Variants in SLC8A1 observed in about 807,000 individuals in gnomAD.
The protein encoded by SLC8A1 is solute carrier family 8 member A1.
SLC8A1 carries 18 observed loss-of-function variants against 68.3 expected under a neutral mutation model. The observed-to-expected ratio is 0.26, with a 90% CI of 0.18 to 0.39. The LOEUF is 0.39. Ranked by LOEUF, SLC8A1 falls within the 10% of genes least tolerant of loss-of-function variation. SLC8A1 has a pLI of 1.00. For synonymous variants in SLC8A1, 475 were observed against 415.5 expected (o/e 1.14, Z -1.74); for missense variants, 985 against 1,156.7 (o/e 0.85, Z 2.15).
intron 2 of SLC8A1, among the ~76,000 whole-genome samples, chr2:40,216,747 T>C (rs566454678): frequency 7.2e-5 from 11 of 152,262 alleles, no homozygotes; most frequent in Non-Finnish European, 1.5e-4. Context: ...ATTTCTCTAA[T>C]GACCAGTGAT....
At chr2:40,118,498 A>G (rs1049929252) in intron 7 of SLC8A1, 1 of 151,982 alleles carries the variant, frequency 6.6e-6, no homozygotes, top group African/African-American at 2.4e-5. Flanking sequence ...CAACTATCAC[A>G]GAGACTGGTG....
intron 5 of SLC8A1, among the ~76,000 whole-genome samples, chr2:40,163,377 A>G (rs2046016184): frequency 6.6e-6 from 1 of 152,200 alleles, no homozygotes; most frequent in Non-Finnish European, 1.5e-5. Context: ...AACCCAGGCA[A>G]AGGGCAGGGG....
chr2:40,261,922 T>C (rs1243303772), intron 2 of SLC8A1, among the ~76,000 whole-genome samples: 1 of 152,094 alleles, frequency 6.6e-6, no homozygotes, highest in Non-Finnish European at 1.5e-5. Context: ...TAATATTTGC[T>C]CCACAATTGT....
intron 2 of SLC8A1, among the ~76,000 whole-genome samples, chr2:40,371,489 TCAGGGACCTCACTCTTAAAACA>T: frequency 6.6e-6 from 1 of 152,074 alleles, no homozygotes; most frequent in South Asian, 2.1e-4. Flanking sequence ...TTACCAAGGC[TCAGGGACCTCACTCTTAAAACA>T]CAGAAGATGT....
At chr2:40,180,457 G>A (rs1015146876) in intron 2 of SLC8A1, among the ~76,000 whole-genome samples, 5 of 152,270 alleles carry the variant, frequency 3.3e-5, no homozygotes, top group Non-Finnish European at 7.4e-5. Context: ...CGCATTTTGG[G>A]TATTAATTTC....
intron 1 of SLC8A1, among the ~76,000 whole-genome samples, chr2:40,492,093 A>G (rs1207863550): frequency 6.6e-6 from 1 of 152,090 alleles, no homozygotes; most frequent in Non-Finnish European, 1.5e-5. Flanking sequence ...ACTTCAAACT[A>G]TACTACAAGG....
chr2:40,098,890 T>A (rs1423689493), exon 8 of SLC8A1: 1 of 152,054 alleles, frequency 6.6e-6, no homozygotes, highest in Non-Finnish European at 1.5e-5. Flanking sequence ...CATTAAACAA[T>A]GGTCTTTGGC....
chr2:40,369,382 G>A (rs1254902137), intron 2 of SLC8A1, among the ~76,000 whole-genome samples: 5 of 151,994 alleles, frequency 3.3e-5, no homozygotes, highest in Non-Finnish European at 4.4e-5. Flanking sequence ...AACCATTAGC[G>A]GAATACATAA....
chr2:40,140,697 G>A lies in SLC8A1; in HGVS notation c.2162-1021C>T, dbSNP rs187037533. On this transcript the variant is annotated intron_variant, in intron 6 of 7. Coordinates refer to ENST00000406785, the Ensembl canonical transcript of SLC8A1. ...TCCAGTTGACTGAGAACCCTTCCAG[G>A]GCAGGAATTCATGCATCTTTGTGTC... Among the ~76,000 whole-genome samples the A allele has an allele frequency of 1.6e-4, 25 of 152,266 alleles. No individual in the cohort carries two copies. The South Asian group carries it at 3.5e-3, about 21-fold the overall frequency.
chr2:40,422,364 T>A (rs1294138772), intron 2 of SLC8A1, among the ~76,000 whole-genome samples: 3 of 152,180 alleles, frequency 2.0e-5, no homozygotes, highest in African/African-American at 7.2e-5. Flanking sequence ...TATTACAATG[T>A]TGCCTATAGG....
upstream of SLC8A1, among the ~76,000 whole-genome samples, chr2:40,455,906 TCTC>T (rs1244606994): frequency 6.6e-6 from 1 of 152,114 alleles, no homozygotes; most frequent in Admixed American, 6.5e-5. Context: ...CAGTCACAAC[TCTC>T]CTCCTCTCTG....
At chr2:40,293,952 A>G (rs1296952722) in intron 2 of SLC8A1, among the ~76,000 whole-genome samples, 3 of 152,172 alleles carry the variant, frequency 2.0e-5, no homozygotes, top group African/African-American at 7.2e-5. Context: ...TGTATATGGC[A>G]GCTTTAGTGA....
At chr2:40,389,188 T>C (rs1684524924) in intron 2 of SLC8A1, among the ~76,000 whole-genome samples, 1 of 152,122 alleles carries the variant, frequency 6.6e-6, no homozygotes, top group Admixed American at 6.6e-5. Context: ...TATAGGCGTA[T>C]TTAACAGAGA....
At chr2:40,164,752 C>T in intron 5 of SLC8A1, 102 bp downstream of exon 8, 1 of 1,444,032 alleles carries the variant, frequency 6.9e-7, no homozygotes, top group Non-Finnish European at 9.5e-7. Flanking sequence ...GAAATTACAT[C>T]TACTACTCTT....
chr2:40,192,743 T>A (rs1049984164), intron 2 of SLC8A1, among the ~76,000 whole-genome samples: 1 of 152,204 alleles, frequency 6.6e-6, no homozygotes, highest in Non-Finnish European at 1.5e-5. Flanking sequence ...GAATACTTTT[T>A]TTTATTGAGT....
At chr2:40,481,815 C>G (rs563451202) in intron 1 of SLC8A1, among the ~76,000 whole-genome samples, 3 of 152,288 alleles carry the variant, frequency 2.0e-5, no homozygotes, top group East Asian at 3.9e-4. Context: ...TCAGAACATT[C>G]CTTTCCCTGG....
intron 1 of SLC8A1, among the ~76,000 whole-genome samples, chr2:40,432,829 CAAGGGTGGA>C (rs369457954): frequency 4.6e-5 from 7 of 151,940 alleles, no homozygotes; most frequent in African/African-American, 1.7e-4. Flanking sequence ...ACTGAAGGGG[CAAGGGTGGA>C]AACAAGGAGA....
At position 40,417,870 on chromosome 2, in the gene SLC8A1, T is replaced by TACACACACACACACACACACACACAC. The variant is rs70957174; in HGVS notation, c.1808+10602_1808+10603insGTGTGTGTGTGTGTGTGTGTGTGTGT. On this transcript the variant is annotated intron_variant, in intron 2 of 7. Coordinates refer to ENST00000406785, the Ensembl canonical transcript of SLC8A1. ...CAGGCACACTGATAGCTTGGATGGATACACACACACACACACACACACACA... is the reference window on the plus strand; with the variant it reads ...CAGGCACACTGATAGCTTGGATGGATACACACACACACACACACACACACACACACACACACACACACACACACACA... Among the ~76,000 whole-genome samples the TACACACACACACACACACACACACAC allele has an allele frequency of 4.0e-4, 59 of 147,262 alleles. 1 individual carries two copies. The highest frequency in any genetic ancestry group is 2.0e-3 in the East Asian group (10 of 5,022).
At chr2:40,152,561 C>A (rs754048469) in intron 6 of SLC8A1, among the ~76,000 whole-genome samples, 3 of 151,630 alleles carry the variant, frequency 2.0e-5, no homozygotes, top group Non-Finnish European at 4.4e-5. Flanking sequence ...TGCACCACTA[C>A]GCCTAGCTAA....
Sources: gnomAD v4.1 joint callset for allele counts (sites outside exome capture counted in the v4.1 genomes callset) on GRCh38, gnomAD v4.1.1 for gene constraint, MANE v1.5 for transcripts, NCBI Gene and HGNC (gene_info 2026-07-23, HGNC 2026-07-21) for gene names.